BACH1: variants seen among roughly 807,000 people sequenced by gnomAD.
The protein encoded by BACH1 is transcription regulator protein BACH1.
In BACH1, 35 loss-of-function variants were observed where a neutral mutation model predicts 52.9. That is an observed-to-expected ratio of 0.66 (90% confidence interval 0.51 to 0.88). The LOEUF is 0.88. Among genes scored for constraint, BACH1 ranks in the 40% least tolerant of loss-of-function variants. BACH1 has a pLI of 0.00. For missense variants in BACH1, 808 were observed against 872.6 expected (o/e 0.93, Z 0.93); for synonymous variants, 321 against 319.6 (o/e 1.00, Z -0.05).
intron 2 of BACH1, among the ~76,000 whole-genome samples, chr21:29,353,117 A>T (rs1478897303): frequency 2.0e-5 from 3 of 152,154 alleles, no homozygotes; most frequent in Non-Finnish European, 4.4e-5. Flanking sequence ...AAAGTGTTGG[A>T]ATTACAGGCA....
chr21:29,323,556 G>T (rs935452211), intron 2 of BACH1, among the ~76,000 whole-genome samples: 6 of 152,070 alleles, frequency 3.9e-5, no homozygotes, highest in African/African-American at 1.2e-4. Flanking sequence ...TTCCAGCCTC[G>T]CTGGCAGCTG....
intron 2 of BACH1, among the ~76,000 whole-genome samples, chr21:29,357,863 G>T (rs2089244268): frequency 6.6e-6 from 1 of 152,144 alleles, no homozygotes; most frequent in Non-Finnish European, 1.5e-5. Context: ...TCAAGTAGGG[G>T]ACAACAAATG....
At chr21:29,328,593 T>G (rs1339547502) in intron 3 of BACH1, among the ~76,000 whole-genome samples, 1 of 152,220 alleles carries the variant, frequency 6.6e-6, no homozygotes, top group Non-Finnish European at 1.5e-5. Flanking sequence ...AACAAAATTT[T>G]AAGTGTACGA....
chr21:29,339,382 A>G (rs1292724380), intron 4 of BACH1, among the ~76,000 whole-genome samples: 1 of 152,040 alleles, frequency 6.6e-6, no homozygotes, highest in Non-Finnish European at 1.5e-5. Flanking sequence ...ATTTTTGCTT[A>G]TATTTCTCAG....
chr21:29,351,906 A>C (rs2123488079), intron 2 of BACH1: 1 of 378,268 alleles, frequency 2.6e-6, no homozygotes, highest in Non-Finnish European at 5.3e-6. Context: ...TACTTAAAAT[A>C]GGTTGAGTAT....
At chr21:29,347,068 G>T (rs2089173572), downstream of BACH1, among the ~76,000 whole-genome samples, 1 of 152,198 alleles carries the variant, frequency 6.6e-6, no homozygotes, top group Non-Finnish European at 1.5e-5. Flanking sequence ...AAGAGCAACA[G>T]AAGTATAGGT....
At position 29,329,656 on chromosome 21, in the gene BACH1, A is replaced by G. The variant is rs1312458720; in HGVS notation, c.1739A>G (p.Asp580Gly). ...CAGCGCTGTCGCAAGAGAAAACTTG[A>G]CTGTATACAGAATCTTGAATCAGAA... ...AAQRCRKRKL[D>G]CIQNLESEIE... Residue 580 changes from aspartate (D) to glycine (G), a missense_variant, in exon 4 of 5, where the codon GAC becomes GGC. Asp to Gly is a moderately conservative substitution (Grantham distance 94). Transcript: ENST00000286800. 1 of 1,582,706 alleles carries G rather than the reference A, an allele frequency of 6.3e-7. No homozygotes were observed. Among genetic ancestry groups the G allele is most frequent in the African/African-American group, 1.4e-5 (1 of 73,604 alleles).
chr21:29,339,789 A>G (rs1436601407), intron 4 of BACH1, among the ~76,000 whole-genome samples: 1 of 152,052 alleles, frequency 6.6e-6, no homozygotes, highest in African/African-American at 2.4e-5. Flanking sequence ...GTGTGCCACC[A>G]TGCCCAGCTA....
At chr21:29,322,168 C>T (rs764363110) in intron 2 of BACH1, among the ~76,000 whole-genome samples, 1 of 152,122 alleles carries the variant, frequency 6.6e-6, no homozygotes, top group African/African-American at 2.4e-5. Context: ...CCCATTGGGT[C>T]CCTCCCATGA....
intron 4 of BACH1, among the ~76,000 whole-genome samples, chr21:29,330,087 C>T (rs1005063781): frequency 2.6e-5 from 4 of 152,132 alleles, no homozygotes; most frequent in African/African-American, 9.7e-5. Flanking sequence ...GAAAAAAATT[C>T]TGATAGATAT....
chr21:29,353,658 A>G (rs982830230), intron 2 of BACH1, among the ~76,000 whole-genome samples: 2 of 152,170 alleles, frequency 1.3e-5, no homozygotes, highest in Non-Finnish European at 2.9e-5. Context: ...TTTTGTTAGA[A>G]AATGTGGTAG....
intron 2 of BACH1, among the ~76,000 whole-genome samples, chr21:29,356,923 G>A (rs759823246): frequency 6.6e-6 from 1 of 151,904 alleles, no homozygotes; most frequent in Non-Finnish European, 1.5e-5. Context: ...GCCTCTGCCA[G>A]CTGCTTATGT....
chr21:29,321,119 T>G, intron 1 of BACH1, 102 bp from the exon 2 acceptor site: 1 of 626,210 alleles, frequency 1.6e-6, no homozygotes. Context: ...AGGTTTTTTA[T>G]TTTCATTTTT....
chr21:29,353,561 T>G (rs1018431305), intron 2 of BACH1, among the ~76,000 whole-genome samples: 3 of 152,124 alleles, frequency 2.0e-5, no homozygotes, highest in Admixed American at 1.3e-4. Context: ...CCAAGAAGTG[T>G]TTTTGGAATT....
chr21:29,326,543 G>A lies in BACH1; in HGVS notation c.719G>A (p.Arg240His), dbSNP rs553355487. Reference protein sequence around the residue: ...FQKAFGTDRVRTGESSVKDIH... With the variant: ...FQKAFGTDRVHTGESSVKDIH... ...AAAGCATTTGGAACTGACAGAGTCC[G>A]TACTGGGGAATCTAGTGTCAAAGAC... is the stretch of plus-strand genomic sequence containing the variant. Residue 240 changes from arginine (R) to histidine (H), a missense_variant, in exon 3 of 5, where the codon CGT (arginine) becomes CAT (histidine). Transcript: ENST00000286800. 28 of 1,614,158 alleles carry A rather than the reference G, an allele frequency of 1.7e-5. No individual in the cohort carries two copies. Among genetic ancestry groups the A allele is most frequent in the Admixed American group, 5.0e-5 (3 of 60,022 alleles).
intron 4 of BACH1, among the ~76,000 whole-genome samples, chr21:29,338,799 C>A (rs1251018032): frequency 1.3e-5 from 2 of 152,152 alleles, no homozygotes; most frequent in Non-Finnish European, 2.9e-5. Context: ...TAGCTACTTC[C>A]TATAGGTAAC....
intron 1 of BACH1, among the ~76,000 whole-genome samples, chr21:29,313,887 G>T (rs867514430): frequency 3.3e-5 from 5 of 152,162 alleles, no homozygotes; most frequent in Admixed American, 1.3e-4. Flanking sequence ...GTCTTGGTTG[G>T]GGGGGGTGGT....
At position 29,309,458 on chromosome 21, in the gene BACH1, T is replaced by C. The variant is rs78119048; in HGVS notation, c.-61+10505T>C. 5.3e-3 allele frequency among the ~76,000 whole-genome samples: 804 copies of C among 152,260 alleles called. 6 individuals are homozygous for C. Among genetic ancestry groups the C allele is most frequent in the African/African-American group, 0.018 (761 of 41,552 alleles). ...CTTCCCCCACATACCACTTGAGTCA[T>C]GTAACATGAATTGAAATGTAATATT... On this transcript the variant is annotated intron_variant, in intron 1 of 4. Coordinates refer to ENST00000286800, the MANE Select transcript of BACH1 (RefSeq NM_001186.4).
At chr21:29,358,784 A>AAGAAAGAAAG (rs1394965912) in intron 2 of BACH1, among the ~76,000 whole-genome samples, 1 of 127,964 alleles carries the variant, frequency 7.8e-6, no homozygotes, top group African/African-American at 2.5e-5. Context: ...GAAAGAAAGA[A>AAGAAAGAAAG]AGAAAGAAAG....
Sources: allele counts gnomAD v4.1 joint callset (sites outside exome capture counted in the v4.1 genomes callset), GRCh38; gene constraint gnomAD v4.1.1; transcripts MANE v1.5; gene names NCBI Gene and HGNC (gene_info 2026-07-23, HGNC 2026-07-21).